PRELID2: variants seen among roughly 807,000 people sequenced by gnomAD.
The protein encoded by PRELID2 is PRELI domain containing 2.
A neutral mutation model predicts 28.4 loss-of-function variants in PRELID2; 25 were observed. The ratio of observed to expected loss-of-function variants is 0.88; its 90% CI spans 0.64 to 1.23. PRELID2 has a LOEUF of 1.23. Among genes scored for constraint, PRELID2 ranks in the 50% most tolerant of loss-of-function variants. The pLI is 0.00. For missense variants in PRELID2, 201 were observed against 214.4 expected (o/e 0.94, Z 0.39); for synonymous variants, 76 against 71.6 (o/e 1.06, Z -0.31).
chr5:145,294,014 T>A, the PRELID2 span, among the ~76,000 whole-genome samples: 3 of 152,282 alleles, frequency 2.0e-5, no homozygotes, highest in African/African-American at 7.2e-5. Context: ...AACTGAGGAA[T>A]CTTAGGGCCA....
intron 1 of PRELID2, 87 bp from the exon 2 acceptor site, chr5:145,823,221 A>C (rs1389550501): frequency 4.8e-6 from 3 of 631,170 alleles, no homozygotes; most frequent in Admixed American, 5.2e-5. Flanking sequence ...CTGCAGGACT[A>C]GTAAATATTT....
chr5:145,328,545 C>CT, the PRELID2 span, among the ~76,000 whole-genome samples: 5 of 151,916 alleles, frequency 3.3e-5, no homozygotes, highest in South Asian at 2.1e-4. Context: ...TGATGATGAG[C>CT]TTTTTTTTCA....
chr5:145,678,580 T>C (rs967424328), intron 1 of PRELID2, among the ~76,000 whole-genome samples: 2 of 152,186 alleles, frequency 1.3e-5, no homozygotes, highest in African/African-American at 4.8e-5. Flanking sequence ...GACCAACTTA[T>C]TATGAGTTCA....
intron 1 of PRELID2, among the ~76,000 whole-genome samples, chr5:145,496,180 C>T (rs1335023617): frequency 2.0e-5 from 3 of 152,028 alleles, no homozygotes; most frequent in Non-Finnish European, 4.4e-5. Context: ...AGAAGAAAGA[C>T]AATTAAAAAC....
intron 1 of PRELID2, among the ~76,000 whole-genome samples, chr5:145,514,473 A>G (rs984906475): frequency 2.6e-5 from 4 of 152,216 alleles, no homozygotes; most frequent in Admixed American, 1.3e-4. Flanking sequence ...AATGCACCCA[A>G]TAAAGGTGCA....
At chr5:145,274,441 A>G in the PRELID2 span, among the ~76,000 whole-genome samples, 1 of 152,094 alleles carries the variant, frequency 6.6e-6, no homozygotes, top group Non-Finnish European at 1.5e-5. Flanking sequence ...GAATTTATGG[A>G]CCCCGCGGCA....
chr5:145,353,352 A>T, the PRELID2 span, among the ~76,000 whole-genome samples: 1 of 152,040 alleles, frequency 6.6e-6, no homozygotes, highest in Non-Finnish European at 1.5e-5. Flanking sequence ...AGTCTCAGAT[A>T]CTTAGGAGGC....
intron 4 of PRELID2, among the ~76,000 whole-genome samples, chr5:145,796,838 C>G (rs1340467778): frequency 6.6e-6 from 1 of 152,096 alleles, no homozygotes; most frequent in Non-Finnish European, 1.5e-5. Flanking sequence ...TATTTAGACT[C>G]TCTATAACTC....
chr5:145,566,037 G>A (rs1752964705), intron 1 of PRELID2, among the ~76,000 whole-genome samples: 1 of 152,186 alleles, frequency 6.6e-6, no homozygotes, highest in Non-Finnish European at 1.5e-5. Context: ...TACTCCTCTG[G>A]GGTAGATCAG....
At chr5:145,521,730 A>G (rs554016310) in intron 1 of PRELID2, among the ~76,000 whole-genome samples, 64 of 152,290 alleles carry the variant, frequency 4.2e-4, no homozygotes, top group African/African-American at 1.4e-3. Context: ...TGTAGGGCAG[A>G]GAAACTAGTC....
chr5:145,679,352 A>G (rs1328661440), intron 1 of PRELID2, among the ~76,000 whole-genome samples: 23 of 152,188 alleles, frequency 1.5e-4, no homozygotes, highest in Non-Finnish European at 5.9e-5. Context: ...CTGAAACTCA[A>G]AAGTTGAGAT....
chr5:145,627,947 T>C (rs1753874606), intron 1 of PRELID2, among the ~76,000 whole-genome samples: 1 of 152,234 alleles, frequency 6.6e-6, no homozygotes, highest in African/African-American at 2.4e-5. Context: ...ATGGTGAAAG[T>C]GTGCCATGCT....
At chr5:145,457,026 G>A in the PRELID2 span, among the ~76,000 whole-genome samples, 1 of 152,168 alleles carries the variant, frequency 6.6e-6, no homozygotes, top group Non-Finnish European at 1.5e-5. Flanking sequence ...TGCCTCAGAA[G>A]GCCCTCCAAA....
At chr5:145,776,698 T>C (rs1758431561) in intron 5 of PRELID2, among the ~76,000 whole-genome samples, 1 of 152,170 alleles carries the variant, frequency 6.6e-6, no homozygotes, top group Non-Finnish European at 1.5e-5. Context: ...TGTAATAAAC[T>C]GGTAAGGGGA....
chr5:145,726,570 C>T (rs777494495), intron 1 of PRELID2, among the ~76,000 whole-genome samples: 38 of 151,978 alleles, frequency 2.5e-4, no homozygotes, highest in Non-Finnish European at 7.4e-5. Flanking sequence ...GACAGATAGG[C>T]GAATATGTAC....
intron 4 of PRELID2, among the ~76,000 whole-genome samples, chr5:145,810,215 T>C (rs1334509037): frequency 6.6e-6 from 1 of 152,246 alleles, no homozygotes; most frequent in African/African-American, 2.4e-5. Context: ...AATTTTTTCC[T>C]CTTTTCAGAT....
the PRELID2 span, among the ~76,000 whole-genome samples, chr5:145,380,366 G>A: frequency 6.6e-6 from 1 of 152,150 alleles, no homozygotes; most frequent in Non-Finnish European, 1.5e-5. Flanking sequence ...TCCCTCTGAA[G>A]ATCTGTTAGG....
At chr5:145,791,262 C>G (rs1480658835) in intron 5 of PRELID2, among the ~76,000 whole-genome samples, 2 of 152,058 alleles carry the variant, frequency 1.3e-5, no homozygotes, top group East Asian at 3.9e-4. Context: ...TCAATTATCT[C>G]CACCTGGCCC....
chr5:145,381,956 GTT>G, the PRELID2 span, among the ~76,000 whole-genome samples: 1 of 145,754 alleles, frequency 6.9e-6, no homozygotes. Context: ...GGATTACTTA[GTT>G]TTTTTTTTTT....
Sources: allele counts gnomAD v4.1 joint callset (sites outside exome capture counted in the v4.1 genomes callset), GRCh38; gene constraint gnomAD v4.1.1; transcripts MANE v1.5; gene names NCBI Gene and HGNC (gene_info 2026-07-23, HGNC 2026-07-21).